The following PCDHGA10 variants were observed in gnomAD, a reference collection of about 807,000 sequenced individuals.
PCDHGA10 encodes protocadherin gamma subfamily A, 10, also known as protocadherin gamma-A10.
In PCDHGA10, 42 loss-of-function variants were observed where a neutral mutation model predicts 59.5. That is an observed-to-expected ratio of 0.71 (90% confidence interval 0.55 to 0.91). The LOEUF (loss-of-function observed/expected upper bound fraction) is 0.91. Among genes scored for constraint, PCDHGA10 ranks in the 40% least tolerant of loss-of-function variants. The pLI is 0.00. For synonymous variants in PCDHGA10, 511 were observed against 517.2 expected (o/e 0.99, Z 0.16); for missense variants, 1,111 against 1,198.2 (o/e 0.93, Z 1.07).
Position 141,415,603 on chromosome 5 carries a change from T to C in PCDHGA10, c.2428T>C (p.Leu810=). 3.7e-6 allele frequency: 6 copies of C among 1,613,954 alleles called. No individual in the cohort carries two copies. The highest frequency in any genetic ancestry group is 5.1e-6 in the Non-Finnish European group (6 of 1,179,966). The part of the protein sequence containing the change: ...DSKFPIEDTP[L]VPQAPPNTDW... ...GAAGTTTCCTATAGAGGATACCCCA[T>C]TGGTTCCAGTGAGTTTTATTTTCAT... Residue 810 remains leucine (L), a synonymous_variant, in exon 1 of 4, where the codon TTG becomes CTG. Coordinates refer to ENST00000398610, the MANE Select transcript of PCDHGA10 (RefSeq NM_018913.3).
chr5:141,457,441 G>A (rs941085406), intron 1 of PCDHGA10, among the ~76,000 whole-genome samples: 1 of 152,134 alleles, frequency 6.6e-6, no homozygotes, highest in African/African-American at 2.4e-5. Flanking sequence ...CCAAGCTGCA[G>A]AAGATCACCA....
intron 1 of PCDHGA10, chr5:141,416,916 T>A (rs751743318): frequency 5.5e-4 from 83 of 152,132 alleles, no homozygotes; most frequent in Non-Finnish European, 8.5e-4. Flanking sequence ...CTCTTTAGGG[T>A]CATAGTTATT....
chr5:141,468,749 C>G (rs1237051053), intron 1 of PCDHGA10, among the ~76,000 whole-genome samples: 1 of 151,962 alleles, frequency 6.6e-6, no homozygotes, highest in Non-Finnish European at 1.5e-5. Context: ...GCCTGTAGTC[C>G]CAGCTACTCG....
chr5:141,441,852 G>T (rs1169073404), intron 1 of PCDHGA10: 2 of 352,708 alleles, frequency 5.7e-6, no homozygotes, highest in African/African-American at 2.2e-5. Flanking sequence ...TGGATATGGT[G>T]CTGCACGCCG....
chr5:141,489,080 C>CCCA lies in PCDHGA10; in HGVS notation c.2437-5727_2437-5726insCCA. On this transcript the variant is annotated intron_variant, in intron 1 of 3. Coordinates refer to ENST00000398610, the MANE Select transcript of PCDHGA10 (RefSeq NM_018913.3). This position sits in a 1 kb window ranked among gnomAD's most constrained non-coding sequence, Gnocchi z 4.5. ...TCCCCTCCCCCCTGCCCACCCCCGC[C>CCCA]ACTCGGTGACTAAGAACTGCTGCAA... 3.0e-6 allele frequency: 1 copy of CCCA among 336,172 alleles called. No individual in the cohort carries two copies. The highest frequency in any genetic ancestry group is 5.5e-5 in the East Asian group (1 of 18,342). 20.8% of individuals were successfully genotyped at this position (336,172 alleles called of 1,614,324 possible).
chr5:141,429,760 C>A (rs1036499079), intron 1 of PCDHGA10, among the ~76,000 whole-genome samples: 1 of 152,020 alleles, frequency 6.6e-6, no homozygotes, highest in Non-Finnish European at 1.5e-5. Flanking sequence ...AATTTTTTCC[C>A]TATATTTTGA....
chr5:141,427,087 A>T, intron 1 of PCDHGA10: 1 of 458,198 alleles, frequency 2.2e-6, no homozygotes, highest in Non-Finnish European at 4.4e-6. Flanking sequence ...ACTGACCAGG[A>T]TGAGGGTGTC....
At chr5:141,454,685 C>A (rs1305853379) in intron 1 of PCDHGA10, among the ~76,000 whole-genome samples, 1 of 151,844 alleles carries the variant, frequency 6.6e-6, no homozygotes, top group Non-Finnish European at 1.5e-5. Context: ...GGATTACAGG[C>A]ATGAGCCACC....
chr5:141,420,111 C>T (rs747723647), intron 1 of PCDHGA10: 1 of 1,613,966 alleles, frequency 6.2e-7, no homozygotes, highest in African/African-American at 1.3e-5. Flanking sequence ...TTGCCCTATG[C>T]CTATAATTTT....
Position 141,476,447 on chromosome 5 carries a change from G to A in PCDHGA10, c.2437-18360G>A. 2 of 1,614,130 alleles carry A rather than the reference G, an allele frequency of 1.2e-6. No homozygotes were observed. The highest frequency in any genetic ancestry group is 1.7e-6 in the Non-Finnish European group (2 of 1,180,026). On this transcript the variant is annotated intron_variant, in intron 1 of 3. Transcript: ENST00000398610. This position sits in a 1 kb window ranked among gnomAD's most constrained non-coding sequence, Gnocchi z 7.6. ...CTCTTGCACTGTAACTCTGGAGTTGGTAGTGGAGAACCCGCTGGAGCTGTT... is the reference window on the plus strand; with the variant it reads ...CTCTTGCACTGTAACTCTGGAGTTGATAGTGGAGAACCCGCTGGAGCTGTT...
chr5:141,490,641 G>A lies in PCDHGA10; in HGVS notation c.2437-4166G>A. 3 of 1,614,160 alleles carry A rather than the reference G, an allele frequency of 1.9e-6. No homozygotes were observed. On this transcript the variant is annotated intron_variant, in intron 1 of 3. Transcript: ENST00000398610. This position sits in a 1 kb window ranked among gnomAD's most constrained non-coding sequence, Gnocchi z 5.4. Reference sequence around the variant, plus strand: ...ACACTGCTTACATCCTAGAAAACCGGCCTCCGGGCTCCCTTCTTTGCACTG... The same window carrying A: ...ACACTGCTTACATCCTAGAAAACCGACCTCCGGGCTCCCTTCTTTGCACTG...
intron 1 of PCDHGA10, among the ~76,000 whole-genome samples, chr5:141,481,241 A>C (rs557107835): frequency 2.0e-5 from 3 of 152,350 alleles, no homozygotes; most frequent in South Asian, 2.1e-4. Flanking sequence ...AGTATTACAT[A>C]GCATAGCTCT....
At chr5:141,494,972 C>A in intron 2 of PCDHGA10, 107 bp downstream of exon 2, 1 of 1,581,852 alleles carries the variant, frequency 6.3e-7, no homozygotes, top group South Asian at 1.1e-5. Flanking sequence ...TGGCTTCTCC[C>A]TCAGTTTGAG....
chr5:141,450,678 G>C (rs1038323301), intron 1 of PCDHGA10, among the ~76,000 whole-genome samples: 1 of 151,854 alleles, frequency 6.6e-6, no homozygotes, highest in Non-Finnish European at 1.5e-5. Context: ...GTAGAAACGG[G>C]GTTTTGCCAT....
intron 1 of PCDHGA10, chr5:141,427,783 C>T (rs765131117): frequency 1.4e-6 from 2 of 1,460,966 alleles, no homozygotes; most frequent in Non-Finnish European, 1.9e-6. Flanking sequence ...CGGGCACTGT[C>T]GTCCTACGTG....
chr5:141,432,196 C>G lies in PCDHGA10; in HGVS notation c.2436+16585C>G, dbSNP rs200790843. ...TCGTCTCTGTGACCGCCCACGACCC[C>G]GACTGTGAAGAGAACGCCCAGATCA... On this transcript the variant is annotated intron_variant, in intron 1 of 3. Transcript: ENST00000398610. The surrounding 1 kb of genome is among the most constrained non-coding windows in gnomAD (Gnocchi z 6.0). The G allele has an allele frequency of 6.2e-7, 1 of 1,614,192 alleles. No individual in the cohort carries two copies. Among genetic ancestry groups the G allele is most frequent in the East Asian group, 2.2e-5 (1 of 44,880 alleles).
In PCDHGA10 at chr5:141,432,973, G is replaced by T. The variant is rs150572360; in HGVS notation, c.2436+17362G>T. The T allele has an allele frequency of 3.7e-6, 6 of 1,614,096 alleles. 1 individual carries two copies. The highest frequency in any genetic ancestry group is 1.7e-5 in the Admixed American group (1 of 60,014). Reference sequence around the variant, plus strand: ...GCGGCTTGACAGGAGCGCCGGCGTCGCACTTTGTGGGCGTGGACGGGGTGC... The same window carrying T: ...GCGGCTTGACAGGAGCGCCGGCGTCTCACTTTGTGGGCGTGGACGGGGTGC... On this transcript the variant is annotated intron_variant, in intron 1 of 3. Coordinates refer to ENST00000398610, the MANE Select transcript of PCDHGA10 (RefSeq NM_018913.3). This position sits in a 1 kb window ranked among gnomAD's most constrained non-coding sequence, Gnocchi z 6.0.
At chr5:141,462,122 C>A (rs1437400069) in intron 1 of PCDHGA10, among the ~76,000 whole-genome samples, 3 of 152,044 alleles carry the variant, frequency 2.0e-5, no homozygotes, top group Admixed American at 6.6e-5. Context: ...TGCACCCAGT[C>A]CAATTTTTTG....
intron 1 of PCDHGA10, among the ~76,000 whole-genome samples, chr5:141,488,782 C>T (rs990081222): frequency 2.0e-5 from 3 of 152,178 alleles, no homozygotes; most frequent in Non-Finnish European, 1.5e-5. Flanking sequence ...TTTTGTATCA[C>T]TTTGTCTTCC....
Sources: gnomAD v4.1 joint callset for allele counts (sites outside exome capture counted in the v4.1 genomes callset) on GRCh38, gnomAD v4.1.1 for gene constraint, Gnocchi (gnomAD v3.1) non-coding constraint, MANE v1.5 for transcripts, NCBI Gene and HGNC (gene_info 2026-07-23, HGNC 2026-07-21) for gene names.